The following RP1 variants were observed in gnomAD, a reference collection of about 807,000 sequenced individuals.
RP1 encodes RP1 axonemal microtubule associated, also known as oxygen-regulated protein 1.
Under a neutral mutation model 14.8 loss-of-function variants are expected in RP1, and 16 were observed. The ratio of observed to expected loss-of-function variants is 1.08; its 90% CI spans 0.73 to 1.65. The LOEUF is 1.65. Among genes scored for constraint, RP1 ranks in the 40% most tolerant of loss-of-function variants. RP1 has a pLI of 0.00. For missense variants in RP1, 2,631 were observed against 2,535.0 expected, an observed-to-expected ratio of 1.04 and a Z score of -0.81; for synonymous variants, 876 against 883.6, an observed-to-expected ratio of 0.99 and a Z score of 0.15.
rs771545857 is a variant in RP1 at position 54,621,101 on chromosome 8, C to A, written c.135C>A (p.Asp45Glu). The change falls in exon 2 of 4, where the codon GAC becomes GAA. Residue 45 changes from aspartate to glutamate, a missense_variant. Asp to Glu is a conservative substitution (Grantham distance 45). Coordinates refer to ENST00000220676, the MANE Select transcript of RP1 (RefSeq NM_006269.2). ...GAATCAGTTTCTACAAGAGCGGAGA[C>A]CCCCAATTCGGCGGGGTCAGGGTGG... ...AKRISFYKSG[D>E]PQFGGVRVVV... 1 of 1,614,156 alleles carries A rather than the reference C, an allele frequency of 6.2e-7. No individual in the cohort carries two copies. The highest frequency in any genetic ancestry group is 8.5e-7 in the Non-Finnish European group (1 of 1,180,034).
At chr8:54,765,669 T>C (rs1809743358) in intron 22 of RP1, among the ~76,000 whole-genome samples, 1 of 152,240 alleles carries the variant, frequency 6.6e-6, no homozygotes, top group Non-Finnish European at 1.5e-5. Flanking sequence ...TTCCCTCATT[T>C]GTTTTAGCTC....
At chr8:54,725,025 C>T (rs144498436) in intron 16 of RP1, among the ~76,000 whole-genome samples, 17 of 152,256 alleles carry the variant, frequency 1.1e-4, no homozygotes, top group East Asian at 3.9e-4. Flanking sequence ...TCAGTTAAAG[C>T]GCTCATCAGT....
intron 1 of RP1, among the ~76,000 whole-genome samples, chr8:54,588,530 A>G (rs1392034869): frequency 6.6e-6 from 1 of 152,212 alleles, no homozygotes. Flanking sequence ...CACACAGGCT[A>G]TGGCTTTGGC....
At position 54,746,240 on chromosome 8, in the gene RP1, TG is replaced by T. The variant is rs1252271184; in HGVS notation, c.2808+7214del. On this transcript the variant is annotated intron_variant, in intron 19 of 22. Coordinates refer to the RP1 transcript ENST00000636932. ...TCATTCCTAGTGTCCCAGATTAAAA[TG>T]GGTGAAAACCTAGTTTTTGACATAG... 2.0e-5 allele frequency among the ~76,000 whole-genome samples: 3 copies of T among 152,218 alleles called. No individual in the cohort carries two copies. The South Asian group carries it at 6.2e-4, about 32-fold the overall frequency.
chr8:54,613,640 T>C (rs191631865), upstream of RP1, among the ~76,000 whole-genome samples: 847 of 152,132 alleles, frequency 5.6e-3, 6 homozygotes, highest in South Asian at 0.015. Flanking sequence ...TCATTCAGCG[T>C]GTTGATGTAG....
At chr8:54,745,391 A>G (rs1397029060) in intron 19 of RP1, among the ~76,000 whole-genome samples, 1 of 152,226 alleles carries the variant, frequency 6.6e-6, no homozygotes, top group Non-Finnish European at 1.5e-5. Flanking sequence ...AAGTACCACC[A>G]TATGTCTGTT....
intron 25 of RP1, among the ~76,000 whole-genome samples, chr8:54,851,898 T>C (rs1812068066): frequency 6.6e-6 from 1 of 152,328 alleles, no homozygotes; most frequent in South Asian, 2.1e-4. Flanking sequence ...TATAAAGAGT[T>C]CTAAGATCTT....
intron 7 of RP1, among the ~76,000 whole-genome samples, chr8:54,667,431 GC>G (rs1284573998): frequency 5.3e-5 from 8 of 152,126 alleles, no homozygotes; most frequent in Non-Finnish European, 1.2e-4. Context: ...ACAGAGGCCA[GC>G]CCTGCAGGCT....
intron 24 of RP1, among the ~76,000 whole-genome samples, chr8:54,828,373 G>A (rs6983764): frequency 0.33 from 49,387 of 151,804 alleles, 8,281 homozygotes; most frequent in East Asian, 0.47. Context: ...GCTTTGTGTC[G>A]TTCTCTCAAG....
At chr8:54,806,208 G>A (rs1431200593) in intron 24 of RP1, among the ~76,000 whole-genome samples, 6 of 152,090 alleles carry the variant, frequency 3.9e-5, no homozygotes, top group Admixed American at 3.3e-4. Flanking sequence ...TAGTAGAAAC[G>A]GGGTTTCACT....
At chr8:54,678,557 A>G (rs1212514012) in intron 9 of RP1, 8 of 1,523,376 alleles carry the variant, frequency 5.3e-6, no homozygotes, top group African/African-American at 1.4e-5. Flanking sequence ...GTACTTTTAC[A>G]TCGAAAAAAT....
chr8:54,826,951 A>G (rs886496461), intron 24 of RP1, among the ~76,000 whole-genome samples: 1 of 152,242 alleles, frequency 6.6e-6, no homozygotes, highest in Non-Finnish European at 1.5e-5. Flanking sequence ...AACCTGTACT[A>G]CTAAGTACTG....
At chr8:54,788,579 G>A (rs1810386256) in intron 24 of RP1, among the ~76,000 whole-genome samples, 2 of 152,074 alleles carry the variant, frequency 1.3e-5, no homozygotes, top group South Asian at 2.1e-4. Context: ...CTGTTGACAT[G>A]TTTGACTTTC....
chr8:54,714,612 G>A (rs1051491546), intron 15 of RP1, among the ~76,000 whole-genome samples: 2 of 152,060 alleles, frequency 1.3e-5, no homozygotes, highest in African/African-American at 2.4e-5. Flanking sequence ...CTCTAGCCTC[G>A]TGCCTGCCAA....
downstream of RP1, among the ~76,000 whole-genome samples, chr8:54,770,430 T>C (rs909803121): frequency 2.0e-5 from 3 of 151,530 alleles, no homozygotes; most frequent in African/African-American, 7.2e-5. Context: ...TTCCAAATGG[T>C]TAAATTATAT....
intron 8 of RP1, chr8:54,674,043 T>C (rs1289979867): frequency 1.9e-5 from 14 of 753,214 alleles, no homozygotes; most frequent in Non-Finnish European, 2.8e-5. Flanking sequence ...TCTCTATGTA[T>C]TGACTATATG....
intron 1 of RP1, among the ~76,000 whole-genome samples, chr8:54,572,524 C>A (rs28525667): frequency 0.043 from 6,530 of 152,282 alleles, 450 homozygotes; most frequent in African/African-American, 0.14. Context: ...AAGACCCTTT[C>A]GACTGGAACC....
At chr8:54,691,242 T>C (rs1192105482) in intron 12 of RP1, among the ~76,000 whole-genome samples, 1 of 151,946 alleles carries the variant, frequency 6.6e-6, no homozygotes, top group Non-Finnish European at 1.5e-5. Context: ...GGAATATTGA[T>C]TGAGAAGAAA....
rs768855113 is a variant in RP1, at chr8:54,627,564, A to G, written c.3682A>G (p.Arg1228Gly). Residue 1228 changes from arginine to glycine, a missense_variant, in exon 4 of 4, where the codon AGA becomes GGA. Coordinates refer to ENST00000220676, the MANE Select transcript of RP1 (RefSeq NM_006269.2). ...TGTTCCTAAGTGCAGTGAAAATGAA[A>G]GAACACAAGGAATCTCCTCTTTGGA... ...QSVPKCSENE[R>G]TQGISSLDGG... 1 of 1,614,208 alleles carries G rather than the reference A, an allele frequency of 6.2e-7. No individual in the cohort carries two copies. The highest frequency in any genetic ancestry group is 1.1e-5 in the South Asian group (1 of 91,088).
Sources: allele counts gnomAD v4.1 joint callset (sites outside exome capture counted in the v4.1 genomes callset), GRCh38; gene constraint gnomAD v4.1.1; transcripts MANE v1.5; gene names NCBI Gene and HGNC (gene_info 2026-07-23, HGNC 2026-07-21).